The following DICER1 variants were observed in gnomAD, a reference collection of about 807,000 sequenced individuals.
DICER1 encodes the protein endoribonuclease Dicer.
A neutral mutation model predicts 194.1 loss-of-function variants in DICER1; 43 were observed. The observed-to-expected ratio is 0.22, with a 90% CI of 0.17 to 0.29. DICER1 has a LOEUF of 0.29. Ranked by LOEUF, DICER1 falls within the 10% of genes least tolerant of loss-of-function variation. The probability of loss-of-function intolerance (pLI) is 1.00; values close to 1 mark genes in which losing one functional copy is unlikely to be tolerated. For synonymous variants in DICER1, 832 were observed against 820.5 expected (o/e 1.01, Z -0.24); for missense variants, 1,608 against 2,317.0 (o/e 0.69, Z 6.28).
chr14:95,112,341 T>G (rs1892053449), intron 12 of DICER1, 94 bp from the exon 13 acceptor site: 3 of 1,020,616 alleles, frequency 2.9e-6, no homozygotes. Context: ...CCAACATTTT[T>G]AAAGTTCAAT....
intron 8 of DICER1, among the ~76,000 whole-genome samples, chr14:95,119,022 T>A (rs183188725): frequency 1.3e-5 from 2 of 152,240 alleles, no homozygotes; most frequent in Admixed American, 6.5e-5. Context: ...TTTTAATAAA[T>A]TTAAGATGTA....
chr14:95,150,028 C>T (rs914573754), intron 1 of DICER1, among the ~76,000 whole-genome samples: 1 of 152,178 alleles, frequency 6.6e-6, no homozygotes, highest in Non-Finnish European at 1.5e-5. Context: ...CAGTTAACTT[C>T]CAACCACTAC....
chr14:95,141,679 T>G (rs1894838018), intron 1 of DICER1: 1 of 152,246 alleles, frequency 6.6e-6, no homozygotes, highest in South Asian at 2.1e-4. Context: ...ATATACATAT[T>G]TACCTCAAAA....
At position 95,103,915 on chromosome 14, in the gene DICER1, G is replaced by A. The variant is rs1476564840; in HGVS notation, c.3481C>T (p.Pro1161Ser). 1 of 1,614,028 alleles carries A rather than the reference G, an allele frequency of 6.2e-7. No homozygotes were observed. The highest frequency in any genetic ancestry group is 8.5e-7 in the Non-Finnish European group (1 of 1,180,028). The change falls in exon 21 of 27, where the codon CCT becomes TCT. Residue 1161 changes from proline (P) to serine (S), a missense_variant. This residue lies in a region of DICER1 where 222 missense variants were observed against 215.5 expected (regional missense o/e 1.03). Transcript: ENST00000343455. Reference protein sequence around the residue: ...VNCRTLLSESPGKLHVEVSAD... With the variant: ...VNCRTLLSESSGKLHVEVSAD... Reference sequence around the variant, plus strand: ...GAAACTTCAACGTGGAGCTTACCAGGGGACTCGCTGAGCAACGTTCTGCAG... The same window carrying A: ...GAAACTTCAACGTGGAGCTTACCAGAGGACTCGCTGAGCAACGTTCTGCAG...
At chr14:95,144,211 A>T (rs1473109287) in intron 1 of DICER1, among the ~76,000 whole-genome samples, 1 of 152,150 alleles carries the variant, frequency 6.6e-6, no homozygotes, top group East Asian at 1.9e-4. Flanking sequence ...ACTGATTCTG[A>T]GTTTTCAGTG....
intron 21 of DICER1, 116 bp downstream of exon 21, chr14:95,103,228 CCG>C: frequency 8.7e-7 from 1 of 1,154,932 alleles, no homozygotes; most frequent in Admixed American, 1.7e-5. Flanking sequence ...CTGTGCTTGG[CCG>C]GTGTAGCAAT....
Position 95,108,517 on chromosome 14 carries a change from G to A in DICER1, c.2257-14C>T. 1 of 1,612,802 alleles carries A rather than the reference G, an allele frequency of 6.2e-7. No homozygotes were observed. The highest frequency in any genetic ancestry group is 1.3e-5 in the African/African-American group (1 of 75,016). On this transcript the variant is annotated splice_polypyrimidine_tract_variant and intron_variant, in intron 14 of 26. Coordinates refer to ENST00000343455, the MANE Select transcript of DICER1 (RefSeq NM_177438.3). ...ACACTCTGGAATCTAGAGTTGGAAAGGAAAATTAAGCGTCATGCTCAAGCA... is the reference window on the plus strand; with the variant it reads ...ACACTCTGGAATCTAGAGTTGGAAAAGAAAATTAAGCGTCATGCTCAAGCA...
At chr14:95,096,925 G>A (rs748370718) in intron 22 of DICER1, among the ~76,000 whole-genome samples, 22 of 152,046 alleles carry the variant, frequency 1.4e-4, no homozygotes, top group Non-Finnish European at 2.2e-4. Flanking sequence ...TTGAATGTTC[G>A]TTTTCTAAGT....
intron 23 of DICER1, among the ~76,000 whole-genome samples, chr14:95,095,085 C>T (rs1890190069): frequency 6.6e-6 from 1 of 152,174 alleles, no homozygotes; most frequent in Non-Finnish European, 1.5e-5. Flanking sequence ...TGCTGATCAC[C>T]TTAACCTACG....
At chr14:95,095,617 A>T in intron 23 of DICER1, 3 of 618,528 alleles carry the variant, frequency 4.9e-6, no homozygotes, top group African/African-American at 1.8e-5. Flanking sequence ...TGATAGCCAT[A>T]CTCCCAACAA....
chr14:95,095,800 T>C, intron 23 of DICER1, 25 bp downstream of exon 23: 1 of 1,613,134 alleles, frequency 6.2e-7, no homozygotes, highest in Non-Finnish European at 8.5e-7. Flanking sequence ...TTCCCAGAAA[T>C]GAAGTCTGGT....
intron 5 of DICER1, 138 bp from the exon 6 acceptor site, chr14:95,129,770 C>T: frequency 1.2e-6 from 1 of 844,518 alleles, no homozygotes; most frequent in East Asian, 2.7e-5. Flanking sequence ...GCCACTATAC[C>T]AAGGACAACA....
At position 95,094,123 on chromosome 14, in the gene DICER1, G is replaced by C. The variant is rs2139815739; in HGVS notation, c.5129C>G (p.Ala1710Gly). The change falls in exon 24 of 27, where the codon GCG becomes GGG. Residue 1710 changes from alanine to glycine, a missense_variant. Ala to Gly is a moderately conservative substitution (Grantham distance 60). Transcript: ENST00000343455. ...CTTGGTTATGAGGTAGTCCAAAATC[G>C]CATCTCCCAGGAATTCTAAGCGCTG... ...CYQRLEFLGD[A>G]ILDYLITKHL... is the part of the protein sequence containing the mutation. The C allele has an allele frequency of 6.2e-7, 1 of 1,614,112 alleles. No homozygotes were observed. Among genetic ancestry groups the C allele is most frequent in the Non-Finnish European group, 8.5e-7 (1 of 1,180,014 alleles).
At chr14:95,114,377 TGATA>T (rs1892249934) in intron 11 of DICER1, among the ~76,000 whole-genome samples, 2 of 152,276 alleles carry the variant, frequency 1.3e-5, no homozygotes, top group Admixed American at 6.5e-5. Context: ...TAAATGATAA[TGATA>T]GATTATAACC....
rs1889631540 is a variant in DICER1, at chr14:95,089,838, C to T, written c.*660G>A. 1 of 231,728 alleles carries T rather than the reference C, an allele frequency of 4.3e-6. No individual in the cohort carries two copies. The highest frequency in any genetic ancestry group is 1.8e-4 in the South Asian group (1 of 5,534). The allele number at this position is 231,728 out of a possible 1,614,324, so 14.4% of individuals were successfully genotyped here. ...ATCCATGAAGGTTTCACTTTTAAGG[C>T]AAGAACCCTTTTTTATGCAAGACTA... On this transcript the variant is annotated 3_prime_UTR_variant, in exon 27 of 27. Transcript: ENST00000343455.
chr14:95,090,906 C>T, intron 26 of DICER1, 128 bp downstream of exon 26: 1 of 1,046,154 alleles, frequency 9.6e-7, no homozygotes, highest in Non-Finnish European at 1.4e-6. Flanking sequence ...AGATTACAAA[C>T]AGAAATCTGA....
intron 1 of DICER1, among the ~76,000 whole-genome samples, chr14:95,144,003 C>T (rs2140388213): frequency 6.6e-6 from 1 of 152,280 alleles, no homozygotes; most frequent in African/African-American, 2.4e-5. Context: ...TGAATCCACA[C>T]ATAGAATCCA....
chr14:95,117,601 A>T (rs1346656928), intron 9 of DICER1, 21 bp downstream of exon 9: 2 of 1,613,690 alleles, frequency 1.2e-6, no homozygotes, highest in East Asian at 4.5e-5. Context: ...GTTATTGTAC[A>T]CTTATTTTGA....
intron 22 of DICER1, among the ~76,000 whole-genome samples, chr14:95,097,338 T>C (rs1272959344): frequency 2.0e-5 from 3 of 152,168 alleles, no homozygotes; most frequent in Admixed American, 1.3e-4. Context: ...AAAATAAAAG[T>C]GATCACTGCA....
Sources: allele counts gnomAD v4.1 joint callset (sites outside exome capture counted in the v4.1 genomes callset), GRCh38; gene constraint gnomAD v4.1.1; regional missense constraint gnomAD v4.1.1; transcripts MANE v1.5; gene names NCBI Gene and HGNC (gene_info 2026-07-23, HGNC 2026-07-21).